The following TRPS1 variants were observed in gnomAD, a reference collection of about 807,000 sequenced individuals.
TRPS1 encodes the protein zinc finger transcription factor Trps1.
Under a neutral mutation model 101.2 loss-of-function variants are expected in TRPS1, and 6 were observed. The observed-to-expected ratio is 0.06, with a 90% CI of 0.03 to 0.12. The LOEUF (loss-of-function observed/expected upper bound fraction) is 0.12, where lower values mean the gene tolerates loss of function less well. Among genes scored for constraint, TRPS1 ranks in the 10% least tolerant of loss-of-function variants. The pLI, the probability that TRPS1 is intolerant of heterozygous loss-of-function variation, is 1.00. For missense variants in TRPS1, 1,363 were observed against 1,567.0 expected (o/e 0.87, Z 2.20); for synonymous variants, 578 against 589.8 (o/e 0.98, Z 0.29).
At chr8:115,657,398 T>C (rs747049190) in intron 1 of TRPS1, among the ~76,000 whole-genome samples, 9 of 152,106 alleles carry the variant, frequency 5.9e-5, no homozygotes, top group Non-Finnish European at 1.2e-4. Flanking sequence ...GGAAGTACAA[T>C]CATTTATTGA....
intron 5 of TRPS1, among the ~76,000 whole-genome samples, chr8:115,464,361 C>T (rs1045071619): frequency 7.9e-5 from 12 of 152,056 alleles, no homozygotes; most frequent in African/African-American, 2.2e-4. Context: ...TTTATCGTTG[C>T]TTATTCCTGG....
chr8:115,512,391 T>C (rs548195290), intron 5 of TRPS1, among the ~76,000 whole-genome samples: 2 of 151,674 alleles, frequency 1.3e-5, no homozygotes, highest in Non-Finnish European at 3.0e-5. Flanking sequence ...GAATTGGACA[T>C]AAATGAACAT....
At chr8:115,567,677 C>T (rs1169796939) in intron 5 of TRPS1, among the ~76,000 whole-genome samples, 1 of 152,106 alleles carries the variant, frequency 6.6e-6, no homozygotes, top group Admixed American at 6.6e-5. Flanking sequence ...GAAGGTGCCA[C>T]CCATCAGGTC....
intron 5 of TRPS1, among the ~76,000 whole-genome samples, chr8:115,449,749 A>G (rs1015681081): frequency 1.3e-5 from 2 of 152,168 alleles, no homozygotes; most frequent in Non-Finnish European, 1.5e-5. Context: ...TTAATATTCA[A>G]ATGAGATTGG....
At chr8:115,525,253 A>G (rs1815967977) in intron 5 of TRPS1, among the ~76,000 whole-genome samples, 1 of 152,120 alleles carries the variant, frequency 6.6e-6, no homozygotes, top group South Asian at 2.1e-4. Flanking sequence ...CAGAAAACCT[A>G]TCAGAGAAAA....
chr8:115,445,574 C>T (rs1044778308), intron 5 of TRPS1, among the ~76,000 whole-genome samples: 1 of 152,038 alleles, frequency 6.6e-6, no homozygotes, highest in African/African-American at 2.4e-5. Context: ...TGTATGAGAT[C>T]GCAAATTCGG....
chr8:115,641,221 T>G (rs1818887425), intron 1 of TRPS1, among the ~76,000 whole-genome samples: 1 of 152,242 alleles, frequency 6.6e-6, no homozygotes, highest in African/African-American at 2.4e-5. Context: ...CTTTTCCTGC[T>G]AAACTGAAGT....
At chr8:115,482,759 A>G (rs1202362707) in intron 5 of TRPS1, among the ~76,000 whole-genome samples, 8 of 152,236 alleles carry the variant, frequency 5.3e-5, no homozygotes, top group Admixed American at 5.2e-4. Context: ...ACATGGTTAC[A>G]GCAACAAAAG....
intron 5 of TRPS1, among the ~76,000 whole-genome samples, chr8:115,439,111 G>C (rs948879744): frequency 6.8e-6 from 1 of 146,942 alleles, no homozygotes; most frequent in African/African-American, 2.5e-5. Flanking sequence ...AAGTGCAGTG[G>C]GGCTGGGAGT....
chr8:115,558,178 T>G (rs1816868628), intron 5 of TRPS1, among the ~76,000 whole-genome samples: 3 of 152,024 alleles, frequency 2.0e-5, no homozygotes, highest in African/African-American at 7.2e-5. Flanking sequence ...TTCTGTAAAC[T>G]CTAGTCTAAG....
intron 2 of TRPS1, among the ~76,000 whole-genome samples, chr8:115,622,532 C>G (rs1818418916): frequency 1.3e-5 from 2 of 152,122 alleles, no homozygotes; most frequent in Non-Finnish European, 2.9e-5. Flanking sequence ...AGGTTTGATA[C>G]AACTTCTCTT....
At chr8:115,500,136 C>T (rs938410974) in intron 5 of TRPS1, among the ~76,000 whole-genome samples, 1 of 151,966 alleles carries the variant, frequency 6.6e-6, no homozygotes, top group Non-Finnish European at 1.5e-5. Context: ...TTTAAGCAAT[C>T]CTCCTGCCTC....
At chr8:115,521,513 A>G (rs967796657) in intron 5 of TRPS1, among the ~76,000 whole-genome samples, 4 of 152,018 alleles carry the variant, frequency 2.6e-5, no homozygotes, top group South Asian at 2.1e-4. Context: ...TAATTTAGAA[A>G]GGACTTCATC....
At chr8:115,514,715 C>CTAT (rs1222192784) in intron 5 of TRPS1, among the ~76,000 whole-genome samples, 1 of 151,352 alleles carries the variant, frequency 6.6e-6, no homozygotes, top group African/African-American at 2.4e-5. Context: ...TTGCAGTGAA[C>CTAT]TATTACATGA....
chr8:115,590,995 G>A (rs905000549), intron 4 of TRPS1, among the ~76,000 whole-genome samples: 1 of 151,508 alleles, frequency 6.6e-6, no homozygotes, highest in African/African-American at 2.4e-5. Flanking sequence ...CCAAGCTTAT[G>A]TCCTAGAAGA....
chr8:115,560,133 A>G (rs1816913141), intron 5 of TRPS1, among the ~76,000 whole-genome samples: 1 of 152,122 alleles, frequency 6.6e-6, no homozygotes, highest in Non-Finnish European at 1.5e-5. Flanking sequence ...GAGTAAAAAT[A>G]AAATCAACAT....
chr8:115,510,592 A>G (rs1318911327), intron 5 of TRPS1, among the ~76,000 whole-genome samples: 1 of 151,970 alleles, frequency 6.6e-6, no homozygotes, highest in Non-Finnish European at 1.5e-5. Context: ...TTATTGAAAG[A>G]GATTTTCATT....
At chr8:115,567,249 C>A (rs1043328502) in intron 5 of TRPS1, among the ~76,000 whole-genome samples, 3 of 152,124 alleles carry the variant, frequency 2.0e-5, no homozygotes, top group African/African-American at 7.2e-5. Flanking sequence ...TCAACATGGA[C>A]AGAAAAACTC....
intron 5 of TRPS1, among the ~76,000 whole-genome samples, chr8:115,543,282 C>T (rs1816495784): frequency 6.6e-6 from 1 of 152,142 alleles, no homozygotes. Context: ...AAGGATTAAA[C>T]TAAATTGTGG....
Sources: allele counts gnomAD v4.1 joint callset (sites outside exome capture counted in the v4.1 genomes callset), GRCh38; gene constraint gnomAD v4.1.1; transcripts MANE v1.5; gene names NCBI Gene and HGNC (gene_info 2026-07-23, HGNC 2026-07-21).